Variants in EYA4 observed in about 807,000 individuals in gnomAD.
EYA4 encodes EYA transcriptional coactivator and phosphatase 4.
In EYA4, 31 loss-of-function variants were observed where a neutral mutation model predicts 87.9. The ratio of observed to expected loss-of-function variants is 0.35; its 90% CI spans 0.27 to 0.48. The LOEUF (loss-of-function observed/expected upper bound fraction) is 0.48, where lower values mean the gene tolerates loss of function less well. EYA4 is among the 20% of genes least tolerant of loss of function. The pLI, the probability that EYA4 is intolerant of heterozygous loss-of-function variation, is 0.99. For missense variants in EYA4, 678 were observed against 761.4 expected (o/e 0.89, Z 1.29); for synonymous variants, 263 against 270.6 (o/e 0.97, Z 0.28).
At chr6:133,512,205 G>T (rs527924936) in intron 14 of EYA4, among the ~76,000 whole-genome samples, 1 of 152,184 alleles carries the variant, frequency 6.6e-6, no homozygotes, top group South Asian at 2.1e-4. Flanking sequence ...AATAACACCA[G>T]CATGGTTCTT....
chr6:133,366,833 G>A (rs1271856227), intron 2 of EYA4, among the ~76,000 whole-genome samples: 2 of 152,144 alleles, frequency 1.3e-5, no homozygotes, highest in African/African-American at 4.8e-5. Context: ...CAATTTAGGG[G>A]CTTATTGAAC....
chr6:133,246,416 C>A (rs1204987593), intron 1 of EYA4, among the ~76,000 whole-genome samples: 2 of 151,794 alleles, frequency 1.3e-5, no homozygotes, highest in African/African-American at 4.8e-5. Context: ...AGGAGAAAGA[C>A]CTATATGTTC....
Position 133,481,538 on chromosome 6 carries a change from C to T in EYA4, c.1046C>T (p.Ser349Leu). The part of the protein sequence containing the change: ...LDERTCRSSG[S>L]KSRGRGRKNN... The stretch of plus-strand genomic sequence containing the variant: ...GAGAGAACCTGTAGGAGTTCTGGGT[C>T]AAAGTCCAGAGGAAGAGGCCGGAAA... The change falls in exon 12 of 20, where the codon TCA becomes TTA. Residue 349 changes from serine (S) to leucine (L), a missense_variant. By Grantham distance (145) the Ser-to-Leu change is moderately radical. Coordinates refer to ENST00000355286, the MANE Select transcript of EYA4 (RefSeq NM_004100.5). The T allele has an allele frequency of 1.9e-6, 3 of 1,613,972 alleles. No individual in the cohort carries two copies. Among genetic ancestry groups the T allele is most frequent in the Non-Finnish European group, 2.5e-6 (3 of 1,179,908 alleles).
intron 2 of EYA4, among the ~76,000 whole-genome samples, chr6:133,368,178 A>G (rs1784996786): frequency 1.3e-5 from 2 of 152,236 alleles, no homozygotes; most frequent in Admixed American, 6.5e-5. Flanking sequence ...TTCTCATCAG[A>G]AAAATTATAG....
intron 2 of EYA4, among the ~76,000 whole-genome samples, chr6:133,367,424 G>A (rs1001787136): frequency 1.3e-5 from 2 of 152,126 alleles, no homozygotes; most frequent in South Asian, 2.1e-4. Context: ...TATATATGTG[G>A]CAAGACTTCT....
At chr6:133,397,287 C>T (rs953235165) in intron 3 of EYA4, among the ~76,000 whole-genome samples, 1 of 152,190 alleles carries the variant, frequency 6.6e-6, no homozygotes, top group Non-Finnish European at 1.5e-5. Context: ...AGTCAATAAG[C>T]TCCAGATCCT....
At chr6:133,462,065 C>T (rs1454957546) in intron 7 of EYA4, 11 of 458,798 alleles carry the variant, frequency 2.4e-5, no homozygotes, top group Non-Finnish European at 1.2e-5. Context: ...CTGGAAGAGA[C>T]ACAGGTGTAA....
intron 13 of EYA4, among the ~76,000 whole-genome samples, chr6:133,499,585 A>G (rs1358123269): frequency 1.3e-5 from 2 of 152,198 alleles, no homozygotes; most frequent in Admixed American, 6.5e-5. Context: ...AACTGCAAAT[A>G]TGTTGCTTAC....
rs1491588085 is a variant in EYA4, at chr6:133,367,960, CTA to C, written c.34-14430_34-14429del. Among the ~76,000 whole-genome samples the C allele has an allele frequency of 2.7e-3, 413 of 152,260 alleles. 2 individuals carry two copies. Among genetic ancestry groups the C allele is most frequent in the Non-Finnish European group, 3.7e-3 (251 of 68,022 alleles). Reference sequence around the variant, plus strand: ...TACTGGCACTCTGAGATGGAAACCTCTATGTTTGTTCCCAGGTCACATAATTA... The same window carrying C: ...TACTGGCACTCTGAGATGGAAACCTCTGTTTGTTCCCAGGTCACATAATTA... On this transcript the variant is annotated intron_variant, in intron 2 of 19. Coordinates refer to ENST00000355286, the MANE Select transcript of EYA4 (RefSeq NM_004100.5).
chr6:133,517,307 TACA>T (rs907275199), intron 17 of EYA4, among the ~76,000 whole-genome samples: 12 of 144,736 alleles, frequency 8.3e-5, no homozygotes, highest in Non-Finnish European at 1.8e-4. Context: ...AAATAATCTG[TACA>T]ACAACCCCCC....
chr6:133,444,776 A>G (rs1240659597), intron 3 of EYA4, among the ~76,000 whole-genome samples: 1 of 152,220 alleles, frequency 6.6e-6, no homozygotes, highest in African/African-American at 2.4e-5. Flanking sequence ...CTCAGCAGCT[A>G]TGGGAATGAG....
intron 3 of EYA4, among the ~76,000 whole-genome samples, chr6:133,433,831 C>T (rs1352495411): frequency 1.3e-5 from 2 of 152,204 alleles, no homozygotes; most frequent in Non-Finnish European, 2.9e-5. Flanking sequence ...GCTGTTCACT[C>T]GGGTCCCAAA....
intron 17 of EYA4, among the ~76,000 whole-genome samples, chr6:133,518,454 AC>A: frequency 6.6e-6 from 1 of 152,154 alleles, no homozygotes; most frequent in Non-Finnish European, 1.5e-5. Context: ...ATGGCAAAAA[AC>A]AAAATTGCTT....
At chr6:133,265,575 A>T (rs1582789907) in intron 1 of EYA4, among the ~76,000 whole-genome samples, 1 of 152,220 alleles carries the variant, frequency 6.6e-6, no homozygotes, top group African/African-American at 2.4e-5. Context: ...GTAAAATAAT[A>T]CTGTGTCTGC....
chr6:133,424,224 G>A (rs932891012), intron 3 of EYA4, among the ~76,000 whole-genome samples: 1 of 152,196 alleles, frequency 6.6e-6, no homozygotes, highest in African/African-American at 2.4e-5. Context: ...AGACCTCAGA[G>A]GGGAAGAGGG....
Position 133,317,574 on chromosome 6 carries a change from ATG to A in EYA4, c.33+42764_33+42765del, listed in dbSNP as rs1780724407. Among the ~76,000 whole-genome samples, 7 of 152,306 alleles carry A rather than the reference ATG, an allele frequency of 4.6e-5. No homozygotes were observed. In the South Asian group the frequency reaches 1.5e-3, roughly 32 times the overall value. ...TTCTTGTTATATCATTATTTGGAAA[ATG>A]TGCTTAGATTAATAAGTGTAAAAAT... On this transcript the variant is annotated intron_variant, in intron 2 of 19. Transcript: ENST00000355286.
intron 11 of EYA4, among the ~76,000 whole-genome samples, chr6:133,475,811 T>G (rs1443441009): frequency 6.6e-6 from 1 of 152,134 alleles, no homozygotes; most frequent in African/African-American, 2.4e-5. Context: ...TTCCTGGTTT[T>G]ACCCTTTATC....
At chr6:133,329,251 A>T (rs1781735484) in intron 2 of EYA4, among the ~76,000 whole-genome samples, 1 of 152,064 alleles carries the variant, frequency 6.6e-6, no homozygotes, top group African/African-American at 2.4e-5. Flanking sequence ...TCCCAGCATA[A>T]ATTGGATCCA....
intron 2 of EYA4, among the ~76,000 whole-genome samples, chr6:133,315,496 T>C (rs1482240428): frequency 6.6e-6 from 1 of 152,040 alleles, no homozygotes; most frequent in South Asian, 2.1e-4. Flanking sequence ...TTATGTGAGG[T>C]TGGGTTGTCA....
Sources: allele counts gnomAD v4.1 joint callset (sites outside exome capture counted in the v4.1 genomes callset), GRCh38; gene constraint gnomAD v4.1.1; transcripts MANE v1.5; gene names NCBI Gene and HGNC (gene_info 2026-07-23, HGNC 2026-07-21).